The following USP47 variants were observed in gnomAD, a reference collection of about 807,000 sequenced individuals.
USP47 encodes ubiquitin carboxyl-terminal hydrolase 47.
A neutral mutation model predicts 165.1 loss-of-function variants in USP47; 35 were observed. The ratio of observed to expected loss-of-function variants is 0.21; its 90% CI spans 0.16 to 0.28. The LOEUF is 0.28. Among genes scored for constraint, USP47 ranks in the 10% least tolerant of loss-of-function variants. The pLI is 1.00. For synonymous variants in USP47, 531 were observed against 544.5 expected (o/e 0.98, Z 0.35); for missense variants, 1,277 against 1,607.4 (o/e 0.79, Z 3.52).
chr11:11,877,850 TGTGTGTGTGCGCGCGC>T, intron 1 of USP47, among the ~76,000 whole-genome samples: 1 of 80,308 alleles, frequency 1.2e-5, no homozygotes, highest in African/African-American at 5.3e-5. Flanking sequence ...TGTGTGTGTG[TGTGTGTGTGCGCGCGC>T]GCAGATAAGA....
At chr11:11,922,973 G>C in intron 11 of USP47, 82 bp downstream of exon 11, 1 of 1,277,686 alleles carries the variant, frequency 7.8e-7, no homozygotes, top group South Asian at 1.6e-5. Context: ...TGTTGTGACT[G>C]ATAAAGTTAT....
In USP47 at chr11:11,956,180, G is replaced by C. The variant is rs1856549390; in HGVS notation, c.*5G>C. 1.2e-6 allele frequency: 2 copies of C among 1,613,502 alleles called. No homozygotes were observed. Among genetic ancestry groups the C allele is most frequent in the Non-Finnish European group, 1.7e-6 (2 of 1,179,848 alleles). ...AAAGATCTGACTCAAGACTGACTCT[G>C]ATAGTGTAGCATTTTCCCTGGGGGA... On this transcript the variant is annotated 3_prime_UTR_variant, in exon 28 of 28. Transcript: ENST00000527733.
rs1326492166 is a variant in USP47, at chr11:11,961,302, A to G, written c.*5127A>G. 6.6e-6 allele frequency among the ~76,000 whole-genome samples: 1 copy of G among 152,174 alleles called. No individual in the cohort carries two copies. The highest frequency in any genetic ancestry group is 1.5e-5 in the Non-Finnish European group (1 of 68,038). ...GGGCAAAAGAGATTTTGCAGATGCAATTAAGGTTAAGGACCTTGACGTGGG... is the reference window on the plus strand; with the variant it reads ...GGGCAAAAGAGATTTTGCAGATGCAGTTAAGGTTAAGGACCTTGACGTGGG... On this transcript the variant is annotated 3_prime_UTR_variant, in exon 28 of 28. Transcript: ENST00000527733.
rs1189341104 is a variant in USP47, at chr11:11,959,412, C to T, written c.*3237C>T. The stretch of plus-strand genomic sequence containing the variant: ...AGGCCATATGTCCTGAAAGGCAAAA[C>T]TCTGTGTATGTGCGATTTACCAGGG... On this transcript the variant is annotated 3_prime_UTR_variant, in exon 28 of 28. Coordinates refer to ENST00000527733, the MANE Select transcript of USP47 (RefSeq NM_001282659.2). The T allele has an allele frequency of 6.6e-6, 1 of 152,142 alleles. No homozygotes were observed. The highest frequency in any genetic ancestry group is 2.4e-5 in the African/African-American group (1 of 41,428). 9.4% of individuals were successfully genotyped at this position (152,142 alleles called of 1,614,324 possible).
intron 11 of USP47, among the ~76,000 whole-genome samples, chr11:11,927,251 G>T (rs754896625): frequency 6.6e-6 from 1 of 151,974 alleles, no homozygotes; most frequent in Non-Finnish European, 1.5e-5. Context: ...GTTTTGTTCA[G>T]TTTGAACATG....
chr11:11,877,801 C>CTG (rs1850542323), intron 1 of USP47, among the ~76,000 whole-genome samples: 1 of 50,426 alleles, frequency 2.0e-5, no homozygotes, highest in Non-Finnish European at 4.0e-5. Context: ...CTCTCTCTCT[C>CTG]TCTCTGTGTG....
At chr11:11,890,846 T>A (rs555974489) in intron 3 of USP47, among the ~76,000 whole-genome samples, 1 of 152,274 alleles carries the variant, frequency 6.6e-6, no homozygotes, top group Non-Finnish European at 1.5e-5. Context: ...ACTAACAAGA[T>A]CATGTCCTTT....
intron 1 of USP47, among the ~76,000 whole-genome samples, chr11:11,842,447 G>T (rs1848182376): frequency 6.6e-6 from 1 of 152,210 alleles, no homozygotes; most frequent in Non-Finnish European, 1.5e-5. Context: ...GGTTTTATGG[G>T]GCTGGACGAA....
intron 11 of USP47, among the ~76,000 whole-genome samples, chr11:11,926,610 A>G (rs1423302597): frequency 6.6e-6 from 1 of 151,220 alleles, no homozygotes; most frequent in Non-Finnish European, 1.5e-5. Context: ...GATCTTTTCA[A>G]AAAGCCAGCT....
intron 4 of USP47, among the ~76,000 whole-genome samples, chr11:11,895,931 T>C (rs2134406127): frequency 6.6e-6 from 1 of 152,338 alleles, no homozygotes; most frequent in South Asian, 2.1e-4. Flanking sequence ...ACTAAAAATA[T>C]TGATTCATAA....
At chr11:11,872,369 A>T (rs890436435) in intron 1 of USP47, among the ~76,000 whole-genome samples, 1 of 152,198 alleles carries the variant, frequency 6.6e-6, no homozygotes, top group African/African-American at 2.4e-5. Context: ...CATGCTGTGT[A>T]TTACAGGGAG....
chr11:11,887,769 A>G (rs187121228), intron 3 of USP47, among the ~76,000 whole-genome samples: 7 of 152,308 alleles, frequency 4.6e-5, no homozygotes, highest in African/African-American at 1.7e-4. Context: ...ACAACAGAAT[A>G]TACATTCTTC....
At chr11:11,892,380 C>CTTTTTTTTTT (rs1300802562) in intron 4 of USP47, among the ~76,000 whole-genome samples, 4 of 121,144 alleles carry the variant, frequency 3.3e-5, no homozygotes, top group African/African-American at 9.5e-5. Context: ...TTTTAATTTT[C>CTTTTTTTTTT]TTTTTTTTTT....
Position 11,952,835 on chromosome 11 carries a change from A to T in USP47, c.3678A>T (p.Val1226=), listed in dbSNP as rs1247489432. Residue 1226 remains valine, a synonymous_variant, in exon 25 of 28, where the codon GTA becomes GTT. Transcript: ENST00000527733. ...AGTTGGATCCCTTCCAGGAGGTTGT[A>T]TTGGAAAGCAGTAGTGTGGACGAAT... ...EMKLDPFQEV[V]LESSSVDELR... The T allele has an allele frequency of 1.9e-6, 3 of 1,612,204 alleles. No homozygotes were observed. The highest frequency in any genetic ancestry group is 2.5e-6 in the Non-Finnish European group (3 of 1,179,002).
At chr11:11,927,410 A>G (rs1277594969) in intron 11 of USP47, among the ~76,000 whole-genome samples, 1 of 152,150 alleles carries the variant, frequency 6.6e-6, no homozygotes, top group Non-Finnish European at 1.5e-5. Context: ...TTATCAGAAC[A>G]CATTCACTCT....
rs1480294310 is a variant in USP47, at chr11:11,902,791, C to G, written c.670C>G (p.Gln224Glu). ...YQLQRLFVLL[Q>E]TSKKRAIETT... ...ACTTCAAAGGCTTTTTGTTTTGTTA[C>G]AAACCAGCAAAAAGAGAGCAATTGA... is the stretch of plus-strand genomic sequence containing the variant. The change falls in exon 6 of 28, where the codon CAA (glutamine) becomes GAA (glutamate). Residue 224 changes from glutamine to glutamate, a missense_variant. Physicochemically the swap from Gln to Glu is conservative, Grantham distance 29. This residue lies in a region of USP47 where 175 missense variants were observed against 295.8 expected (regional missense o/e 0.59). Coordinates refer to ENST00000527733, the MANE Select transcript of USP47 (RefSeq NM_001282659.2). The G allele has an allele frequency of 1.9e-6, 3 of 1,602,652 alleles. No homozygotes were observed.
At chr11:11,882,742 T>C (rs1429977697) in intron 2 of USP47, among the ~76,000 whole-genome samples, 10 of 152,214 alleles carry the variant, frequency 6.6e-5, no homozygotes, top group African/African-American at 2.4e-4. Context: ...TTATAGTTCC[T>C]TTTTGTTATA....
chr11:11,923,744 T>C (rs554613813), intron 11 of USP47, among the ~76,000 whole-genome samples: 1 of 152,338 alleles, frequency 6.6e-6, no homozygotes, highest in East Asian at 1.9e-4. Flanking sequence ...ACCAAGGCCA[T>C]TCTTCTAATT....
chr11:11,955,438 G>A (rs780990298), intron 27 of USP47, among the ~76,000 whole-genome samples: 1 of 152,092 alleles, frequency 6.6e-6, no homozygotes, highest in Non-Finnish European at 1.5e-5. Context: ...AAAATCATTT[G>A]TATTTTGCAT....
Sources: gnomAD v4.1 joint callset for allele counts (sites outside exome capture counted in the v4.1 genomes callset) on GRCh38, gnomAD v4.1.1 for gene constraint, gnomAD v4.1.1 regional missense constraint, MANE v1.5 for transcripts, NCBI Gene and HGNC (gene_info 2026-07-23, HGNC 2026-07-21) for gene names.